The following TENM3 variants were observed in gnomAD, a reference collection of about 807,000 sequenced individuals.
TENM3 encodes the protein teneurin transmembrane protein 3, also known as teneurin-3.
A neutral mutation model predicts 255.1 loss-of-function variants in TENM3; 63 were observed. That is an observed-to-expected ratio of 0.25 (90% CI 0.20 to 0.30). The LOEUF is 0.30. Among genes scored for constraint, TENM3 ranks in the 10% least tolerant of loss-of-function variants. The pLI is 1.00. For missense variants in TENM3, 2,929 were observed against 3,461.1 expected (o/e 0.85, Z 3.86); for synonymous variants, 1,306 against 1,322.3 (o/e 0.99, Z 0.27).
At chr4:181,748,557 T>C in the TENM3 span, among the ~76,000 whole-genome samples, 1 of 152,138 alleles carries the variant, frequency 6.6e-6, no homozygotes, top group Non-Finnish European at 1.5e-5. Context: ...TCCATGTTTT[T>C]GCTAGTGACG....
At chr4:182,321,779 A>G (rs1254997942) in intron 1 of TENM3, among the ~76,000 whole-genome samples, 2 of 152,034 alleles carry the variant, frequency 1.3e-5, no homozygotes, top group East Asian at 3.9e-4. Context: ...CCCCATCTGT[A>G]TTAAAAATAC....
chr4:182,176,639 T>C (rs1199558427), intron 1 of TENM3, among the ~76,000 whole-genome samples: 1 of 152,092 alleles, frequency 6.6e-6, no homozygotes, highest in Non-Finnish European at 1.5e-5. Context: ...TTTTTACATA[T>C]AAATTTTTAA....
At chr4:182,571,746 G>C (rs1193847828) in intron 3 of TENM3, among the ~76,000 whole-genome samples, 1 of 152,044 alleles carries the variant, frequency 6.6e-6, no homozygotes, top group Non-Finnish European at 1.5e-5. Flanking sequence ...GAAACCATTG[G>C]TATGAGCACT....
chr4:182,529,308 A>T (rs780077224), intron 3 of TENM3, among the ~76,000 whole-genome samples: 1 of 152,126 alleles, frequency 6.6e-6, no homozygotes, highest in African/African-American at 2.4e-5. Context: ...AAAGATTATC[A>T]CTGTGGCTTA....
chr4:182,495,620 AAGCT>A (rs1316814945), intron 3 of TENM3, among the ~76,000 whole-genome samples: 2 of 152,198 alleles, frequency 1.3e-5, no homozygotes, highest in African/African-American at 4.8e-5. Context: ...CTGTTGTGGT[AAGCT>A]ATAGAATGTT....
At chr4:182,334,335 T>C (rs1169912670) in intron 2 of TENM3, among the ~76,000 whole-genome samples, 4 of 152,268 alleles carry the variant, frequency 2.6e-5, no homozygotes, top group East Asian at 1.9e-4. Context: ...GATGATACCA[T>C]AAGAATATTA....
chr4:182,402,619 G>A (rs1323165102), intron 3 of TENM3, among the ~76,000 whole-genome samples: 1 of 152,016 alleles, frequency 6.6e-6, no homozygotes, highest in Non-Finnish European at 1.5e-5. Flanking sequence ...TTTTTAGGAG[G>A]GTCAAGCAGT....
chr4:182,640,151 C>T (rs1003559007), intron 5 of TENM3, among the ~76,000 whole-genome samples: 3 of 151,960 alleles, frequency 2.0e-5, no homozygotes, highest in African/African-American at 7.2e-5. Flanking sequence ...ACTGATTTTT[C>T]CCTTAAGGTA....
intron 3 of TENM3, among the ~76,000 whole-genome samples, chr4:182,538,410 T>C (rs191643587): frequency 4.6e-3 from 701 of 152,242 alleles, no homozygotes; most frequent in Non-Finnish European, 7.6e-3. Flanking sequence ...GGTGAGGACA[T>C]ACCTGGGGAC....
At chr4:182,254,865 C>G (rs1014186621) in intron 1 of TENM3, among the ~76,000 whole-genome samples, 1 of 152,006 alleles carries the variant, frequency 6.6e-6, no homozygotes, top group Non-Finnish European at 1.5e-5. Context: ...GGAATAAGAG[C>G]TAGGCTGTTA....
intron 1 of TENM3, among the ~76,000 whole-genome samples, chr4:182,305,428 C>T (rs1361327939): frequency 2.0e-5 from 3 of 152,054 alleles, no homozygotes; most frequent in African/African-American, 7.2e-5. Context: ...CGAAGTAGGC[C>T]GTGAATACTG....
At chr4:182,576,365 T>G (rs1320070996) in intron 3 of TENM3, among the ~76,000 whole-genome samples, 3 of 152,154 alleles carry the variant, frequency 2.0e-5, no homozygotes, top group African/African-American at 7.2e-5. Context: ...TTTTGCTATT[T>G]AAAAGGAGAG....
At chr4:182,205,059 TA>T (rs1370254856) in intron 1 of TENM3, among the ~76,000 whole-genome samples, 13 of 152,226 alleles carry the variant, frequency 8.5e-5, no homozygotes, top group Non-Finnish European at 1.9e-4. Context: ...GAATTTAAAA[TA>T]ACCCCATCTT....
At chr4:182,069,018 T>C in the TENM3 span, among the ~76,000 whole-genome samples, 1 of 151,980 alleles carries the variant, frequency 6.6e-6, no homozygotes, top group Non-Finnish European at 1.5e-5. Context: ...GAAAAAAGCA[T>C]AACAAAATGA....
At chr4:181,658,239 T>C in the TENM3 span, among the ~76,000 whole-genome samples, 1 of 152,308 alleles carries the variant, frequency 6.6e-6, no homozygotes. Flanking sequence ...TCCTAGCTTG[T>C]TTGATCATGG....
At chr4:182,556,450 A>T (rs1216221370) in intron 3 of TENM3, among the ~76,000 whole-genome samples, 1 of 152,206 alleles carries the variant, frequency 6.6e-6, no homozygotes, top group Non-Finnish European at 1.5e-5. Context: ...AACTATCCCA[A>T]AATTGAATAC....
chr4:181,529,908 C>T, the TENM3 span, among the ~76,000 whole-genome samples: 2 of 152,160 alleles, frequency 1.3e-5, no homozygotes, highest in Non-Finnish European at 2.9e-5. Context: ...TACAAACTTC[C>T]TATGTGGCCT....
chr4:182,484,955 T>G (rs1734556370), intron 3 of TENM3, among the ~76,000 whole-genome samples: 1 of 152,182 alleles, frequency 6.6e-6, no homozygotes, highest in African/African-American at 2.4e-5. Context: ...ATGTTAGACA[T>G]TTTATGATGT....
At chr4:182,672,761 C>A (rs886631065) in intron 6 of TENM3, among the ~76,000 whole-genome samples, 1 of 152,152 alleles carries the variant, frequency 6.6e-6, no homozygotes, top group Non-Finnish European at 1.5e-5. Flanking sequence ...TAGTAATGGG[C>A]ATACCTTGGG....
Sources: allele counts gnomAD v4.1 joint callset (sites outside exome capture counted in the v4.1 genomes callset), GRCh38; gene constraint gnomAD v4.1.1; transcripts MANE v1.5; gene names NCBI Gene and HGNC (gene_info 2026-07-23, HGNC 2026-07-21).